The following SRPK1 variants were observed in gnomAD, a reference collection of about 807,000 sequenced individuals.
The protein encoded by SRPK1 is SFRS protein kinase 1.
SRPK1 carries 52 observed loss-of-function variants against 89.5 expected under a neutral mutation model. The ratio of observed to expected loss-of-function variants is 0.58; its 90% CI spans 0.46 to 0.73. The LOEUF (loss-of-function observed/expected upper bound fraction) is 0.73, where lower values mean the gene tolerates loss of function less well. Among genes scored for constraint, SRPK1 ranks in the 30% least tolerant of loss-of-function variants. The pLI is 0.00. For synonymous variants in SRPK1, 255 were observed against 270.2 expected (o/e 0.94, Z 0.55); for missense variants, 603 against 780.6 (o/e 0.77, Z 2.71).
intron 14 of SRPK1, among the ~76,000 whole-genome samples, chr6:35,841,740 G>A (rs530127144): frequency 6.7e-6 from 1 of 149,132 alleles, no homozygotes; most frequent in Admixed American, 6.8e-5. Flanking sequence ...GCCGAGGCAG[G>A]AGAATCGCTT....
chr6:35,846,772 A>G (rs1053212270), intron 13 of SRPK1, among the ~76,000 whole-genome samples: 2 of 152,206 alleles, frequency 1.3e-5, no homozygotes, highest in Non-Finnish European at 2.9e-5. Flanking sequence ...GATCTGTAAT[A>G]AGAAGTCTCC....
chr6:35,880,746 A>AAAAAAAAAAAAAGAAAG (rs1770263877), intron 6 of SRPK1, among the ~76,000 whole-genome samples: 7 of 89,202 alleles, frequency 7.8e-5, no homozygotes, highest in Non-Finnish European at 1.3e-4. Context: ...AAAAAAAAAA[A>AAAAAAAAAAAAAGAAAG]AAAAGAAAAG....
At chr6:35,839,871 G>A (rs1769267495) in intron 14 of SRPK1, among the ~76,000 whole-genome samples, 1 of 151,856 alleles carries the variant, frequency 6.6e-6, no homozygotes, top group Admixed American at 6.6e-5. Flanking sequence ...GTAGAGACAG[G>A]GTTTCACATG....
chr6:35,909,600 A>G (rs2127267686), intron 2 of SRPK1, among the ~76,000 whole-genome samples: 1 of 152,344 alleles, frequency 6.6e-6, no homozygotes, highest in South Asian at 2.1e-4. Context: ...GAGTGAAATA[A>G]TACAGTTTGG....
chr6:35,917,695 G>A (rs1771141521), intron 2 of SRPK1, among the ~76,000 whole-genome samples: 1 of 152,252 alleles, frequency 6.6e-6, no homozygotes, highest in South Asian at 2.1e-4. Flanking sequence ...AGTACCAGGG[G>A]ACTGAAAATC....
chr6:35,861,147 G>T (rs1244952318), intron 12 of SRPK1, among the ~76,000 whole-genome samples: 1 of 152,174 alleles, frequency 6.6e-6, no homozygotes, highest in Non-Finnish European at 1.5e-5. Flanking sequence ...TGAACAGATT[G>T]TCCAGGAAGG....
intron 13 of SRPK1, among the ~76,000 whole-genome samples, chr6:35,854,798 T>C (rs1769633445): frequency 6.6e-6 from 1 of 152,190 alleles, no homozygotes; most frequent in African/African-American, 2.4e-5. Context: ...TTTTAATAAA[T>C]CAGATGCCAT....
chr6:35,904,129 C>A (rs962531816), intron 2 of SRPK1, among the ~76,000 whole-genome samples: 22 of 152,064 alleles, frequency 1.4e-4, no homozygotes, highest in African/African-American at 5.1e-4. Context: ...CTAGCTCCTG[C>A]CAACTGATTT....
At chr6:35,917,176 G>C (rs1771128176) in intron 2 of SRPK1, among the ~76,000 whole-genome samples, 1 of 152,200 alleles carries the variant, frequency 6.6e-6, no homozygotes, top group Non-Finnish European at 1.5e-5. Context: ...AATGTTCAGA[G>C]GGAGATAGAT....
chr6:35,857,469 CCCAAA>C (rs768965209), intron 12 of SRPK1, 101 bp from the exon 13 acceptor site: 9 of 974,374 alleles, frequency 9.2e-6, no homozygotes, highest in South Asian at 6.3e-5. Context: ...TGAAGTTTTT[CCCAAA>C]CCAAAGTTCT....
chr6:35,838,771 A>G, intron 14 of SRPK1: 2 of 1,385,996 alleles, frequency 1.4e-6, no homozygotes, highest in Non-Finnish European at 9.7e-7. Context: ...AATTCTGCCT[A>G]TCAGCTCTAT....
At chr6:35,895,004 G>T (rs936451222) in intron 2 of SRPK1, among the ~76,000 whole-genome samples, 12 of 152,084 alleles carry the variant, frequency 7.9e-5, no homozygotes, top group African/African-American at 2.9e-4. Context: ...CTGACCTAGA[G>T]CCAGAGACCA....
At chr6:35,837,432 TGTTA>T (rs1769204558) in intron 15 of SRPK1, among the ~76,000 whole-genome samples, 1 of 152,194 alleles carries the variant, frequency 6.6e-6, no homozygotes, top group African/African-American at 2.4e-5. Context: ...ACATATTAAC[TGTTA>T]GTAAGAAGTA....
intron 3 of SRPK1, among the ~76,000 whole-genome samples, chr6:35,889,997 A>G (rs1770486048): frequency 6.6e-6 from 1 of 151,300 alleles, no homozygotes; most frequent in South Asian, 2.1e-4. Context: ...AGTCCCAGCT[A>G]CTCGGGAGGC....
At chr6:35,857,874 T>C (rs2151084571) in intron 12 of SRPK1, among the ~76,000 whole-genome samples, 1 of 152,348 alleles carries the variant, frequency 6.6e-6, no homozygotes, top group East Asian at 1.9e-4. Flanking sequence ...TTTGCTCTTT[T>C]GGTCAAATTT....
intron 2 of SRPK1, among the ~76,000 whole-genome samples, chr6:35,903,580 T>C (rs956857321): frequency 2.6e-5 from 4 of 152,124 alleles, no homozygotes; most frequent in Admixed American, 2.6e-4. Flanking sequence ...CCTAGGCCTC[T>C]ATGACACTCA....
At position 35,869,382 on chromosome 6, in the gene SRPK1, G is replaced by A. The variant is rs908225541; in HGVS notation, c.1411+100C>T. 3 of 1,408,382 alleles carry A rather than the reference G, an allele frequency of 2.1e-6. No homozygotes were observed. In the African/African-American group the frequency reaches 4.3e-5, roughly 20 times the overall value. The allele number at this position is 1,408,382 out of a possible 1,614,324, so 87.2% of individuals were successfully genotyped here. On this transcript the variant is annotated intron_variant, in intron 11 of 15. Coordinates refer to ENST00000373825, the MANE Select transcript of SRPK1 (RefSeq NM_003137.5). ...TAAACGTAACTTAGACACACCTGTT[G>A]TAAAGCTATAGTTACAAAAACAATC...
chr6:35,835,638 T>C, intron 15 of SRPK1, 150 bp from the exon 16 acceptor site: 1 of 638,812 alleles, frequency 1.6e-6, no homozygotes, highest in East Asian at 2.9e-5. Context: ...AGCATTTCTT[T>C]TCTGACATAT....
intron 3 of SRPK1, 113 bp downstream of exon 3, chr6:35,890,782 A>G: frequency 1.2e-6 from 1 of 849,368 alleles, no homozygotes; most frequent in Non-Finnish European, 1.6e-6. Flanking sequence ...TTTAGAGAAA[A>G]GGATACAAGT....
Sources: allele counts gnomAD v4.1 joint callset (sites outside exome capture counted in the v4.1 genomes callset), GRCh38; gene constraint gnomAD v4.1.1; transcripts MANE v1.5; gene names NCBI Gene and HGNC (gene_info 2026-07-23, HGNC 2026-07-21).